Variants in CIT observed in about 807,000 individuals in gnomAD.
CIT encodes the protein citron Rho-interacting kinase.
A neutral mutation model predicts 272.7 loss-of-function variants in CIT; 79 were observed. That is an observed-to-expected ratio of 0.29 (90% CI 0.24 to 0.35). The LOEUF (loss-of-function observed/expected upper bound fraction) is 0.35. CIT is among the 10% of genes least tolerant of loss of function. The probability of loss-of-function intolerance (pLI) is 1.00; values close to 1 mark genes in which losing one functional copy is unlikely to be tolerated. For missense variants in CIT, 1,909 were observed against 2,618.3 expected (o/e 0.73, Z 5.91); for synonymous variants, 948 against 995.6 (o/e 0.95, Z 0.90).
At position 119,761,025 on chromosome 12, in the gene CIT, C is replaced by A; in HGVS notation, c.2335G>T (p.Ala779Ser). The change falls in exon 20 of 48, where the codon GCT becomes TCT. Residue 779 changes from alanine to serine, a missense_variant. Ala to Ser is a moderately conservative substitution (Grantham distance 99, BLOSUM62 1). This residue lies in a region of CIT where 530 missense variants were observed against 822.4 expected (regional missense o/e 0.64). Transcript: ENST00000392521. ...VLDNQIKKDL[A>S]DKETLENMMQ... ...ATGTTCTCCAGTGTCTCCTTGTCAG[C>A]CAGGTCTTTCTTTATCTGATTGTCC... 2 of 1,614,098 alleles carry A rather than the reference C, an allele frequency of 1.2e-6. No individual in the cohort carries two copies. The highest frequency in any genetic ancestry group is 1.7e-6 in the Non-Finnish European group (2 of 1,179,946).
chr12:119,787,432 TA>T (rs35841635), intron 10 of CIT, among the ~76,000 whole-genome samples: 83,272 of 147,192 alleles, frequency 0.57, 24,052 homozygotes, highest in African/African-American at 0.7. Flanking sequence ...CCTTGTCTCT[TA>T]AAAAAAAAAA....
chr12:119,758,733 A>C, intron 20 of CIT, 33 bp from the exon 21 acceptor site: 1 of 1,406,694 alleles, frequency 7.1e-7, no homozygotes, highest in Non-Finnish European at 1.0e-6. Flanking sequence ...AACTTCACAC[A>C]CCAGAACAGG....
In CIT at chr12:119,750,754, T is replaced by C. The variant is rs1808187; in HGVS notation, c.2904+1296A>G. On this transcript the variant is annotated intron_variant, in intron 23 of 47. Transcript: ENST00000392521. ...TACGTTAAATATATATAGATATAGA[T>C]AGATAGATAGATAGATAGATAGATA... 3.9e-3 allele frequency among the ~76,000 whole-genome samples: 273 copies of C among 69,516 alleles called. 2 individuals carry two copies. Among genetic ancestry groups the C allele is most frequent in the African/African-American group, 0.016 (263 of 16,172 alleles). 45.6% of individuals were successfully genotyped at this position (69,516 alleles called of 152,430 possible).
intron 5 of CIT, among the ~76,000 whole-genome samples, chr12:119,843,042 G>C (rs2138193449): frequency 6.6e-6 from 1 of 152,290 alleles, no homozygotes; most frequent in Non-Finnish European, 1.5e-5. Context: ...CAGAAGTATA[G>C]GGTCTAGGAA....
rs1390091623 is a variant in CIT at position 119,710,254 on chromosome 12, C to T, written c.5068G>A (p.Ala1690Thr). The T allele has an allele frequency of 6.2e-7, 1 of 1,613,890 alleles. No homozygotes were observed. Among genetic ancestry groups the T allele is most frequent in the Non-Finnish European group, 8.5e-7 (1 of 1,179,964 alleles). Residue 1690 changes from alanine (A) to threonine (T), a missense_variant, in exon 39 of 48, where the codon GCA (alanine) becomes ACA (threonine). Physicochemically the swap from Ala to Thr is moderately conservative, Grantham distance 58. This residue lies in a region of CIT where 780 missense variants were observed against 1,067.2 expected (regional missense o/e 0.73). Transcript: ENST00000392521. The surrounding 1 kb of genome is among the most constrained non-coding windows in gnomAD (Gnocchi z 5.6). ...IKDLEKLLMI[A>T]GEERALCLVD... ...CACCATGTCCTTGGCCTCACACCTG[C>T]TATCATGAGTAGCTTCTCCAGGTCC... is the stretch of plus-strand genomic sequence containing the variant.
intron 22 of CIT, 24 bp downstream of exon 22, chr12:119,757,347 C>T (rs1451147498): frequency 2.5e-6 from 4 of 1,612,398 alleles, no homozygotes; most frequent in African/African-American, 1.3e-5. Flanking sequence ...CAAATCCTCC[C>T]AGGAGATGAC....
In CIT at chr12:119,784,402, C is replaced by T. The variant is rs570790309; in HGVS notation, c.1402-351G>A. The T allele has an allele frequency of 2.4e-6, 3 of 1,228,440 alleles. No homozygotes were observed. The highest frequency in any genetic ancestry group is 3.1e-6 in the Non-Finnish European group (3 of 965,956). The allele number at this position is 1,228,440 out of a possible 1,614,324, so 76.1% of individuals were successfully genotyped here. A position where few individuals can be genotyped will look rare whatever the true frequency, so the allele number is the denominator to read the frequency against. Reference sequence around the variant, plus strand: ...ATTTTATCCCAAATCCATCTTGATCCCCCCCCATCTCCTTGCAAAGATCTA... The same window carrying T: ...ATTTTATCCCAAATCCATCTTGATCTCCCCCCATCTCCTTGCAAAGATCTA... On this transcript the variant is annotated intron_variant, in intron 11 of 47. Coordinates refer to ENST00000392521, the MANE Select transcript of CIT (RefSeq NM_001206999.2). This position sits in a 1 kb window ranked among gnomAD's most constrained non-coding sequence, Gnocchi z 4.7.
chr12:119,863,235 A>C (rs537282270), intron 3 of CIT, among the ~76,000 whole-genome samples: 1 of 150,462 alleles, frequency 6.6e-6, no homozygotes, highest in South Asian at 2.1e-4. Context: ...AGAGGCTGAC[A>C]TTATCCTTAG....
intron 10 of CIT, among the ~76,000 whole-genome samples, chr12:119,788,161 T>C (rs959619597): frequency 6.6e-6 from 1 of 152,234 alleles, no homozygotes; most frequent in Non-Finnish European, 1.5e-5. Flanking sequence ...TTTTTAAAAA[T>C]CTTACTTTTG....
At chr12:119,691,043 G>C (rs562355858) in intron 46 of CIT, among the ~76,000 whole-genome samples, 1 of 152,056 alleles carries the variant, frequency 6.6e-6, no homozygotes, top group Admixed American at 6.5e-5. Context: ...GTGTTGGCGT[G>C]TGCCTGTAGT....
At chr12:119,854,562 G>C (rs1226548033) in intron 4 of CIT, among the ~76,000 whole-genome samples, 2 of 152,104 alleles carry the variant, frequency 1.3e-5, no homozygotes, top group African/African-American at 4.8e-5. Context: ...AGAATCACTT[G>C]AACCCAGGAG....
In CIT at chr12:119,758,839, A is replaced by T; in HGVS notation, c.2422-139T>A. ...AGGCACTCAACTAGTCTGTACTCTG[A>T]GGATCACAGATGGTACCACTCAAAT... On this transcript the variant is annotated intron_variant, in intron 20 of 47. Transcript: ENST00000392521. The T allele has an allele frequency of 9.1e-6, 6 of 657,074 alleles. No homozygotes were observed. In the South Asian group the frequency reaches 1.0e-4, roughly 11 times the overall value. The allele number at this position is 657,074 out of a possible 1,614,324, so 40.7% of individuals were successfully genotyped here.
intron 4 of CIT, among the ~76,000 whole-genome samples, chr12:119,855,880 G>C (rs1970553024): frequency 6.6e-6 from 1 of 152,062 alleles, no homozygotes; most frequent in African/African-American, 2.4e-5. Context: ...CAAGGTCAGG[G>C]CTACACGTAA....
chr12:119,871,418 G>A (rs894981396), intron 2 of CIT, among the ~76,000 whole-genome samples: 4 of 152,074 alleles, frequency 2.6e-5, no homozygotes, highest in African/African-American at 4.8e-5. Context: ...GAAACAGACC[G>A]GCTGCATTTG....
At chr12:119,826,750 TA>T (rs1486106067) in intron 7 of CIT, among the ~76,000 whole-genome samples, 1 of 152,206 alleles carries the variant, frequency 6.6e-6, no homozygotes. Flanking sequence ...TTTTCCTCAT[TA>T]AACGATGGTA....
chr12:119,749,085 G>C (rs1487006594), intron 23 of CIT, among the ~76,000 whole-genome samples: 1 of 152,210 alleles, frequency 6.6e-6, no homozygotes, highest in Non-Finnish European at 1.5e-5. Flanking sequence ...ATTAGAAACG[G>C]CAACAAAGGC....
At chr12:119,699,773 G>A (rs748913886) in intron 44 of CIT, 2 of 456,048 alleles carry the variant, frequency 4.4e-6, no homozygotes, top group South Asian at 1.5e-5. Context: ...CCACGGAGTT[G>A]GGGCCAATAA....
At chr12:119,778,832 C>A (rs182290770) in intron 13 of CIT, among the ~76,000 whole-genome samples, 7 of 152,274 alleles carry the variant, frequency 4.6e-5, no homozygotes, top group Admixed American at 3.9e-4. Context: ...TCCTCAGAAT[C>A]ATGGGGCACA....
In CIT at chr12:119,713,518, G is replaced by A. The variant is rs539121958; in HGVS notation, c.4437C>T (p.Thr1479=). Residue 1479 remains threonine, a synonymous_variant, in exon 34 of 48, where the codon ACC becomes ACT. Coordinates refer to ENST00000392521, the MANE Select transcript of CIT (RefSeq NM_001206999.2). This position sits in a 1 kb window ranked among gnomAD's most constrained non-coding sequence, Gnocchi z 5.2. Reference sequence around the variant, plus strand: ...GGTGCAAGCTGCTGCTGGGCTCCTTGGTCTGGAGACCTGGGGAGTTCATTT... The same window carrying A: ...GGTGCAAGCTGCTGCTGGGCTCCTTAGTCTGGAGACCTGGGGAGTTCATTT... ...RDKMNSPGLQ[T]KEPSSSLHLE... 1 of 1,614,070 alleles carries A rather than the reference G, an allele frequency of 6.2e-7. No homozygotes were observed. The highest frequency in any genetic ancestry group is 8.5e-7 in the Non-Finnish European group (1 of 1,180,040).
Sources: gnomAD v4.1 joint callset for allele counts (sites outside exome capture counted in the v4.1 genomes callset) on GRCh38, gnomAD v4.1.1 for gene constraint, gnomAD v4.1.1 regional missense constraint, Gnocchi (gnomAD v3.1) non-coding constraint, MANE v1.5 for transcripts, NCBI Gene and HGNC (gene_info 2026-07-23, HGNC 2026-07-21) for gene names.